Variants in THADA observed in about 807,000 individuals in gnomAD.
THADA encodes tRNA (32-2'-O)-methyltransferase regulator THADA.
A neutral mutation model predicts 219.8 loss-of-function variants in THADA; 213 were observed. The ratio of observed to expected loss-of-function variants is 0.97; its 90% CI spans 0.87 to 1.09. THADA has a LOEUF of 1.09. THADA is among the 50% of genes least tolerant of loss of function. The probability of loss-of-function intolerance (pLI) is 0.00; values close to 1 mark genes in which losing one functional copy is unlikely to be tolerated. For synonymous variants in THADA, 1,018 were observed against 828.9 expected, an observed-to-expected ratio of 1.23 and a Z score of -3.92; for missense variants, 2,956 against 2,311.3, an observed-to-expected ratio of 1.28 and a Z score of -5.72.
At chr2:43,489,874 CAAAA>C (rs201735523) in intron 25 of THADA, among the ~76,000 whole-genome samples, 807 of 56,076 alleles carry the variant, frequency 0.014, 29 homozygotes, top group African/African-American at 0.05. Flanking sequence ...TTAAGATCTG[CAAAA>C]AAAAAAAAAA....
intron 7 of THADA, among the ~76,000 whole-genome samples, chr2:43,582,249 C>A (rs1015012553): frequency 2.0e-5 from 3 of 152,154 alleles, no homozygotes; most frequent in Non-Finnish European, 4.4e-5. Context: ...GTAATCCCAG[C>A]ACTTTGGTAG....
intron 36 of THADA, among the ~76,000 whole-genome samples, chr2:43,265,978 CACACACACACACAG>C (rs747130632): frequency 3.1e-3 from 379 of 124,016 alleles, no homozygotes; most frequent in African/African-American, 0.011. Flanking sequence ...CACACACACA[CACACACACACACAG>C]ACTCTTGAGG....
chr2:43,316,924 T>G (rs556950183), intron 31 of THADA, among the ~76,000 whole-genome samples: 66 of 152,336 alleles, frequency 4.3e-4, no homozygotes, highest in Middle Eastern at 6.8e-3. Context: ...TGAAACTCCA[T>G]GTCAACAAAA....
intron 26 of THADA, among the ~76,000 whole-genome samples, chr2:43,459,464 T>C (rs1056248843): frequency 4.6e-5 from 7 of 152,180 alleles, no homozygotes; most frequent in African/African-American, 1.4e-4. Context: ...CTGCTCTAGG[T>C]GTTGAAGATA....
rs563364179 is a variant in THADA, at chr2:43,490,117, A to G, written c.3745-4792T>C. Among the ~76,000 whole-genome samples, 9 of 152,266 alleles carry G rather than the reference A, an allele frequency of 5.9e-5. No individual in the cohort carries two copies. The South Asian group carries it at 1.7e-3, about 28-fold the overall frequency. On this transcript the variant is annotated intron_variant, in intron 25 of 37. Coordinates refer to ENST00000405975, the MANE Select transcript of THADA (RefSeq NM_022065.5). ...TAAGTATTTTATTCTTTTTGATGCT[A>G]TCATAAATGAAACTGTTTTCTTAAT...
intron 36 of THADA, among the ~76,000 whole-genome samples, chr2:43,244,717 T>C (rs993768996): frequency 1.3e-5 from 2 of 152,256 alleles, no homozygotes; most frequent in Non-Finnish European, 2.9e-5. Flanking sequence ...AGGCCTTTCC[T>C]GTGAAAAGTG....
rs762103600 is a variant in THADA, at chr2:43,275,178, T to C, written c.5296+4587A>G. 5.9e-5 allele frequency among the ~76,000 whole-genome samples: 9 copies of C among 152,036 alleles called. No individual in the cohort carries two copies. In the South Asian group the frequency reaches 1.0e-3, roughly 18 times the overall value. On this transcript the variant is annotated intron_variant, in intron 36 of 37. Coordinates refer to ENST00000405975, the MANE Select transcript of THADA (RefSeq NM_022065.5). ...CACCACTATGCCCAGCTAATTTTTGTATTTTTATTAGAAATGGGGTTTCAC... is the reference window on the plus strand; with the variant it reads ...CACCACTATGCCCAGCTAATTTTTGCATTTTTATTAGAAATGGGGTTTCAC...
chr2:43,560,773 T>A (rs1045735005), intron 15 of THADA, among the ~76,000 whole-genome samples: 21 of 152,132 alleles, frequency 1.4e-4, no homozygotes, highest in African/African-American at 4.8e-4. Flanking sequence ...TCCCAGCACT[T>A]TGGGAGGCTG....
At chr2:43,582,043 T>A in intron 7 of THADA, 115 bp from the exon 8 acceptor site, 2 of 732,700 alleles carry the variant, frequency 2.7e-6, no homozygotes, top group Non-Finnish European at 4.2e-6. Context: ...TTTTAAATTA[T>A]GATAATTTAT....
In THADA at chr2:43,435,337, T is replaced by C. The variant is rs191565660; in HGVS notation, c.3837-5035A>G. Among the ~76,000 whole-genome samples the C allele has an allele frequency of 1.1e-3, 161 of 152,072 alleles. 2 individuals carry two copies. In the East Asian group the frequency reaches 0.025, roughly 23 times the overall value. On this transcript the variant is annotated intron_variant, in intron 26 of 37. Transcript: ENST00000405975. ...AGCCAGGCATGGTGGTGCACGCCTG[T>C]AATCCCAGCTACTCAGGAGGCTGAG...
At chr2:43,579,251 C>T (rs1700163387) in intron 8 of THADA, among the ~76,000 whole-genome samples, 1 of 152,194 alleles carries the variant, frequency 6.6e-6, no homozygotes. Flanking sequence ...AACAGCAACA[C>T]CACCTGTCCC....
At chr2:43,515,003 TTA>T (rs1312952262) in intron 22 of THADA, among the ~76,000 whole-genome samples, 17 of 32,664 alleles carry the variant, frequency 5.2e-4, no homozygotes, top group Admixed American at 1.2e-3. Flanking sequence ...ATATATAATA[TTA>T]TATATATTAT....
chr2:43,528,924 T>G (rs1246606580), intron 21 of THADA, among the ~76,000 whole-genome samples: 1 of 152,160 alleles, frequency 6.6e-6, no homozygotes, highest in African/African-American at 2.4e-5. Context: ...TAGAGAACTT[T>G]TCATCTTCCC....
chr2:43,241,758 C>T (rs1056740088), intron 36 of THADA, among the ~76,000 whole-genome samples: 1 of 152,006 alleles, frequency 6.6e-6, no homozygotes, highest in South Asian at 2.1e-4. Context: ...AGCCTGGGAC[C>T]GCCCTACTGC....
chr2:43,457,468 C>G (rs1274597777), intron 26 of THADA, among the ~76,000 whole-genome samples: 1 of 152,076 alleles, frequency 6.6e-6, no homozygotes, highest in African/African-American at 2.4e-5. Context: ...TAAAGTCAAT[C>G]TTAACAGTTT....
At position 43,351,164 on chromosome 2, in the gene THADA, G is replaced by A. The variant is rs183104731; in HGVS notation, c.4228-6927C>T. On this transcript the variant is annotated intron_variant, in intron 29 of 37. Transcript: ENST00000405975. ...CCAGCACTTATTTTACAAATGGCCA[G>A]CAAAGAAATATTCCTAAAGCCAAGC... Among the ~76,000 whole-genome samples the A allele has an allele frequency of 1.3e-4, 20 of 152,316 alleles. No individual in the cohort carries two copies. In the East Asian group the frequency reaches 3.3e-3, roughly 25 times the overall value.
rs1272067689 is a variant in THADA, at chr2:43,231,067, A to G, written c.5743T>C (p.Leu1915=). The G allele has an allele frequency of 6.2e-7, 1 of 1,613,838 alleles. No homozygotes were observed. The highest frequency in any genetic ancestry group is 1.7e-5 in the Admixed American group (1 of 59,986). The change falls in exon 38 of 38, where the codon TTG becomes CTG. Residue 1915 remains leucine, a synonymous_variant. Coordinates refer to ENST00000405975, the MANE Select transcript of THADA (RefSeq NM_022065.5). ...CCTTCCAAAAAGGCCAGCAGCCTCA[A>G]GCAAGCCAAAGTCCTTTCCTCTTGA... is the stretch of plus-strand genomic sequence containing the variant. The part of the protein sequence containing the change: ...RIQEERTLAC[L]RLLAFLEGKE...
At chr2:43,293,314 G>A (rs141729063) in intron 31 of THADA, 101 bp from the exon 32 acceptor site, 63 of 1,337,000 alleles carry the variant, frequency 4.7e-5, no homozygotes, top group Non-Finnish European at 6.0e-5. Flanking sequence ...GAGGCCATCA[G>A]ATGTCTCCCA....
In THADA at chr2:43,514,443, C is replaced by T. The variant is rs973722390; in HGVS notation, c.3375-5663G>A. Among the ~76,000 whole-genome samples the T allele has an allele frequency of 3.7e-5, 5 of 133,710 alleles. No homozygotes were observed. The South Asian group carries it at 9.2e-4, about 25-fold the overall frequency. The allele number at this position is 133,710 out of a possible 152,430, so 87.7% of individuals were successfully genotyped here. ...TCCAGCCTGGGTGACAGAGTGAGACCCTGTCTTAAAAAATATATATATAAT... is the reference window on the plus strand; with the variant it reads ...TCCAGCCTGGGTGACAGAGTGAGACTCTGTCTTAAAAAATATATATATAAT... On this transcript the variant is annotated intron_variant, in intron 22 of 37. Coordinates refer to ENST00000405975, the MANE Select transcript of THADA (RefSeq NM_022065.5).
Sources: allele counts gnomAD v4.1 joint callset (sites outside exome capture counted in the v4.1 genomes callset), GRCh38; gene constraint gnomAD v4.1.1; transcripts MANE v1.5; gene names NCBI Gene and HGNC (gene_info 2026-07-23, HGNC 2026-07-21).